Variants in NCAM2 observed in about 807,000 individuals in gnomAD.
The protein encoded by NCAM2 is N-CAM-2.
Under a neutral mutation model 98.1 loss-of-function variants are expected in NCAM2, and 30 were observed. The ratio of observed to expected loss-of-function variants is 0.31; its 90% CI spans 0.23 to 0.41. The LOEUF (loss-of-function observed/expected upper bound fraction) is 0.41, where lower values mean the gene tolerates loss of function less well. Ranked by LOEUF, NCAM2 falls within the 10% of genes least tolerant of loss-of-function variation. The probability of loss-of-function intolerance (pLI) is 1.00; values close to 1 mark genes in which losing one functional copy is unlikely to be tolerated. For synonymous variants in NCAM2, 368 were observed against 342.4 expected (o/e 1.07, Z -0.83); for missense variants, 867 against 1,005.8 (o/e 0.86, Z 1.87).
At chr21:21,504,963 T>TA (rs1471930271) in intron 15 of NCAM2, among the ~76,000 whole-genome samples, 1 of 151,912 alleles carries the variant, frequency 6.6e-6, no homozygotes, top group African/African-American at 2.4e-5. Context: ...TAGTTATTTT[T>TA]AAATGTATAA....
rs1303121319 is a variant in NCAM2, at chr21:21,324,514, C to G, written c.737+14C>G. On this transcript the variant is annotated intron_variant, in intron 6 of 17. Transcript: ENST00000400546. Reference sequence around the variant, plus strand: ...CTCCTGGTTCAGGTAGGTTATGCACCCCCCTCCCTCTGGCTTGTGTCCATT... The same window carrying G: ...CTCCTGGTTCAGGTAGGTTATGCACGCCCCTCCCTCTGGCTTGTGTCCATT... 1.3e-6 allele frequency: 2 copies of G among 1,542,414 alleles called. No homozygotes were observed. The highest frequency in any genetic ancestry group is 4.5e-5 in the East Asian group (2 of 44,440).
chr21:21,084,745 C>A (rs180935036), intron 1 of NCAM2, among the ~76,000 whole-genome samples: 2 of 152,200 alleles, frequency 1.3e-5, no homozygotes. Context: ...CCCCTCAAGT[C>A]TTTTGTTTCC....
At chr21:21,262,069 C>T (rs769733940) in intron 1 of NCAM2, among the ~76,000 whole-genome samples, 1 of 152,132 alleles carries the variant, frequency 6.6e-6, no homozygotes, top group Non-Finnish European at 1.5e-5. Context: ...TCAAAGACCA[C>T]TATGAACATC....
chr21:21,180,078 T>C (rs1429347496), intron 1 of NCAM2, among the ~76,000 whole-genome samples: 1 of 152,158 alleles, frequency 6.6e-6, no homozygotes, highest in Non-Finnish European at 1.5e-5. Flanking sequence ...ACTTCATTTG[T>C]CCTTCCTCTT....
intron 1 of NCAM2, among the ~76,000 whole-genome samples, chr21:21,267,995 G>A (rs546776723): frequency 1.3e-3 from 200 of 152,184 alleles, no homozygotes; most frequent in Non-Finnish European, 2.4e-3. Flanking sequence ...GCTACTGGTG[G>A]ACCCTTAGAT....
intron 14 of NCAM2, among the ~76,000 whole-genome samples, chr21:21,475,425 C>T (rs1426546615): frequency 6.6e-6 from 1 of 152,000 alleles, no homozygotes; most frequent in Non-Finnish European, 1.5e-5. Flanking sequence ...GTGTTCATGC[C>T]TTCTAGAAAG....
intron 1 of NCAM2, among the ~76,000 whole-genome samples, chr21:21,096,065 C>T (rs1442191319): frequency 2.0e-5 from 3 of 151,534 alleles, no homozygotes; most frequent in African/African-American, 7.3e-5. Flanking sequence ...CCATGGAGAG[C>T]CTTCATTTAT....
intron 8 of NCAM2, among the ~76,000 whole-genome samples, chr21:21,351,852 T>A (rs1195813868): frequency 6.6e-6 from 1 of 152,190 alleles, no homozygotes; most frequent in Non-Finnish European, 1.5e-5. Flanking sequence ...GTTCCAGTGA[T>A]TCTCCCGCCT....
At chr21:21,298,625 AGATAGAT>A (rs398036239) in intron 5 of NCAM2, among the ~76,000 whole-genome samples, 5 of 148,246 alleles carry the variant, frequency 3.4e-5, no homozygotes, top group African/African-American at 4.9e-5. Flanking sequence ...ATAGATAGAT[AGATAGAT>A]GATAGATAGA....
intron 1 of NCAM2, among the ~76,000 whole-genome samples, chr21:21,210,363 T>C (rs548317055): frequency 6.6e-6 from 1 of 152,330 alleles, no homozygotes; most frequent in African/African-American, 2.4e-5. Flanking sequence ...GAAAACACTT[T>C]AATCACCTAG....
intron 1 of NCAM2, among the ~76,000 whole-genome samples, chr21:21,083,100 T>C (rs566852801): frequency 2.0e-5 from 3 of 152,318 alleles, no homozygotes; most frequent in South Asian, 2.1e-4. Flanking sequence ...AGCTCTATTA[T>C]AATCAGTAAT....
Position 21,207,287 on chromosome 21 carries a change from A to T in NCAM2, c.56-73291A>T, listed in dbSNP as rs1375238608. ...TTAAAGAGTGGGAAATAATGTGTACAATGGTAATTTTTGGCACTCAGGAAG... is the reference window on the plus strand; with the variant it reads ...TTAAAGAGTGGGAAATAATGTGTACTATGGTAATTTTTGGCACTCAGGAAG... On this transcript the variant is annotated intron_variant, in intron 1 of 17. Transcript: ENST00000400546. Among the ~76,000 whole-genome samples the T allele has an allele frequency of 2.6e-5, 4 of 152,168 alleles. No individual in the cohort carries two copies. In the East Asian group the frequency reaches 7.7e-4, roughly 29 times the overall value.
intron 1 of NCAM2, among the ~76,000 whole-genome samples, chr21:21,201,253 AT>A (rs1467189610): frequency 6.6e-6 from 1 of 152,210 alleles, no homozygotes; most frequent in Admixed American, 6.5e-5. Context: ...AGAAGTTTAT[AT>A]TTGAGCTGAT....
intron 5 of NCAM2, among the ~76,000 whole-genome samples, chr21:21,305,709 T>C (rs753737984): frequency 1.3e-5 from 2 of 152,100 alleles, no homozygotes; most frequent in African/African-American, 4.8e-5. Context: ...TGGTTTTTCT[T>C]GATTTTATAT....
At chr21:21,108,293 T>C (rs923701804) in intron 1 of NCAM2, among the ~76,000 whole-genome samples, 1 of 152,086 alleles carries the variant, frequency 6.6e-6, no homozygotes, top group Non-Finnish European at 1.5e-5. Context: ...CCAAGAATTC[T>C]GCAGAGTGAG....
chr21:21,488,421 T>C (rs1986574871), intron 15 of NCAM2, among the ~76,000 whole-genome samples: 1 of 152,002 alleles, frequency 6.6e-6, no homozygotes, highest in Non-Finnish European at 1.5e-5. Flanking sequence ...AAATGAAATA[T>C]ATTGTACAAG....
chr21:21,077,327 T>C (rs2065700868), intron 1 of NCAM2, among the ~76,000 whole-genome samples: 1 of 152,206 alleles, frequency 6.6e-6, no homozygotes, highest in Non-Finnish European at 1.5e-5. Flanking sequence ...ACATTGTGCC[T>C]TCTATTATAA....
rs1438208687 is a variant in NCAM2 at position 21,541,188 on chromosome 21, A to AT, written c.*3235dup. On this transcript the variant is annotated 3_prime_UTR_variant, in exon 18 of 18. Transcript: ENST00000400546. Reference sequence around the variant, plus strand: ...GATCATATCTTTGTTTATGCTTCTTATTTTAAATAATTAAGATGTATCTGT... The same window carrying AT: ...GATCATATCTTTGTTTATGCTTCTTATTTTTAAATAATTAAGATGTATCTGT... 2 of 151,430 alleles carry AT rather than the reference A, an allele frequency of 1.3e-5. No homozygotes were observed. The highest frequency in any genetic ancestry group is 3.0e-5 in the Non-Finnish European group (2 of 67,634). The allele number at this position is 151,430 out of a possible 1,614,324, so 9.4% of individuals were successfully genotyped here.
chr21:21,271,581 A>C (rs2072500800), intron 1 of NCAM2, among the ~76,000 whole-genome samples: 1 of 152,200 alleles, frequency 6.6e-6, no homozygotes, highest in Admixed American at 6.5e-5. Flanking sequence ...ATATGCTCTA[A>C]GAAAAAGTAT....
Sources: allele counts gnomAD v4.1 joint callset (sites outside exome capture counted in the v4.1 genomes callset), GRCh38; gene constraint gnomAD v4.1.1; transcripts MANE v1.5; gene names NCBI Gene and HGNC (gene_info 2026-07-23, HGNC 2026-07-21).